Variants in PPP1R1C observed in about 807,000 individuals in gnomAD.
PPP1R1C encodes protein phosphatase 1 regulatory subunit 1C.
Under a neutral mutation model 17.4 loss-of-function variants are expected in PPP1R1C, and 15 were observed. The ratio of observed to expected loss-of-function variants is 0.86; its 90% CI spans 0.58 to 1.33. PPP1R1C has a LOEUF of 1.33. PPP1R1C is among the 40% of genes most tolerant of loss of function. The pLI is 0.00. For synonymous variants in PPP1R1C, 35 were observed against 43.1 expected (o/e 0.81, Z 0.73); for missense variants, 143 against 130.0 (o/e 1.10, Z -0.48).
At chr2:182,088,457 T>A (rs1374738037) in intron 4 of PPP1R1C, among the ~76,000 whole-genome samples, 1 of 152,206 alleles carries the variant, frequency 6.6e-6, no homozygotes, top group African/African-American at 2.4e-5. Context: ...TGGATAAATT[T>A]GGGAAGAGGT....
At chr2:182,062,129 G>T (rs1031837496) in intron 3 of PPP1R1C, among the ~76,000 whole-genome samples, 4 of 152,074 alleles carry the variant, frequency 2.6e-5, no homozygotes, top group Admixed American at 2.6e-4. Flanking sequence ...TGAATAGGAT[G>T]CTGTGCAGGG....
intron 2 of PPP1R1C, among the ~76,000 whole-genome samples, chr2:182,047,785 C>T (rs889100997): frequency 4.6e-5 from 7 of 152,264 alleles, no homozygotes; most frequent in Middle Eastern, 3.4e-3. Context: ...AAATAATCTG[C>T]TTTTTCTGCT....
At chr2:182,072,271 G>A (rs932867272) in intron 4 of PPP1R1C, among the ~76,000 whole-genome samples, 1 of 152,118 alleles carries the variant, frequency 6.6e-6, no homozygotes, top group Non-Finnish European at 1.5e-5. Context: ...GTTCCCTGAT[G>A]TTTTCTGAGA....
At chr2:181,966,371 G>A (rs545477745) in intron 1 of PPP1R1C, among the ~76,000 whole-genome samples, 3 of 152,198 alleles carry the variant, frequency 2.0e-5, no homozygotes, top group Non-Finnish European at 2.9e-5. Flanking sequence ...TGGACATCAT[G>A]GTCATGTTCC....
At chr2:181,969,795 C>T (rs1007515973) in intron 1 of PPP1R1C, among the ~76,000 whole-genome samples, 1 of 151,892 alleles carries the variant, frequency 6.6e-6, no homozygotes, top group African/African-American at 2.4e-5. Flanking sequence ...GTTTTTTATT[C>T]TTGTTCTTTT....
chr2:182,051,346 C>G (rs1687510993), intron 2 of PPP1R1C, among the ~76,000 whole-genome samples: 1 of 152,138 alleles, frequency 6.6e-6, no homozygotes, highest in Non-Finnish European at 1.5e-5. Flanking sequence ...AAAGAATCAG[C>G]CTCCAGTAAT....
chr2:182,030,118 AT>A (rs1405687811), intron 2 of PPP1R1C, among the ~76,000 whole-genome samples: 1 of 141,440 alleles, frequency 7.1e-6, no homozygotes, highest in African/African-American at 2.7e-5. Context: ...ATTCTTCTAA[AT>A]TTTTTTCAAA....
At chr2:182,013,449 C>A (rs1395489240) in intron 2 of PPP1R1C, among the ~76,000 whole-genome samples, 2 of 152,000 alleles carry the variant, frequency 1.3e-5, no homozygotes, top group Middle Eastern at 3.2e-3. Context: ...TTTTCTCTTG[C>A]TGCTTTTAGG....
intron 2 of PPP1R1C, among the ~76,000 whole-genome samples, chr2:182,051,871 C>T (rs1048823711): frequency 1.1e-4 from 16 of 151,880 alleles, no homozygotes; most frequent in Admixed American, 2.6e-4. Context: ...AATACTGGTG[C>T]GCATCTGCAA....
upstream of PPP1R1C, among the ~76,000 whole-genome samples, chr2:181,984,088 T>A (rs568490200): frequency 6.6e-6 from 1 of 152,350 alleles, no homozygotes; most frequent in East Asian, 1.9e-4. Flanking sequence ...TAGATAGATA[T>A]TCTTAGTGAT....
chr2:182,032,616 C>A (rs1455442682), intron 2 of PPP1R1C, among the ~76,000 whole-genome samples: 1 of 152,060 alleles, frequency 6.6e-6, no homozygotes, highest in Non-Finnish European at 1.5e-5. Flanking sequence ...TGCTGAAAGG[C>A]AGTATAGTTA....
Position 182,063,865 on chromosome 2 carries a change from C to T in PPP1R1C, c.241+74C>T, listed in dbSNP as rs1687914261. ...TGGTCGGCCGTCTGTTCTCTAGGACCACATATCTGATGATAAGCTAGATCT... is the reference window on the plus strand; with the variant it reads ...TGGTCGGCCGTCTGTTCTCTAGGACTACATATCTGATGATAAGCTAGATCT... On this transcript the variant is annotated intron_variant, in intron 4 of 4. Coordinates refer to ENST00000682840, the MANE Select transcript of PPP1R1C (RefSeq NM_001080545.3). 3.8e-6 allele frequency: 4 copies of T among 1,063,088 alleles called. No individual in the cohort carries two copies. In the South Asian group the frequency reaches 5.0e-5, roughly 13 times the overall value. The allele number at this position is 1,063,088 out of a possible 1,614,324, so 65.9% of individuals were successfully genotyped here. A position where few individuals can be genotyped will look rare whatever the true frequency, so the allele number is the denominator to read the frequency against.
chr2:182,032,173 C>T (rs903432512), intron 2 of PPP1R1C, among the ~76,000 whole-genome samples: 7 of 152,182 alleles, frequency 4.6e-5, no homozygotes, highest in Non-Finnish European at 1.0e-4. Context: ...AGCCAAAAGT[C>T]AAGGGGGCCA....
intron 1 of PPP1R1C, among the ~76,000 whole-genome samples, chr2:181,974,560 A>G (rs1050028747): frequency 7.9e-5 from 12 of 152,212 alleles, no homozygotes; most frequent in Non-Finnish European, 1.3e-4. Context: ...ATTCTTCTAG[A>G]ATAAATATGA....
At chr2:182,018,072 T>A (rs1686311183) in intron 2 of PPP1R1C, among the ~76,000 whole-genome samples, 1 of 152,188 alleles carries the variant, frequency 6.6e-6, no homozygotes, top group Non-Finnish European at 1.5e-5. Context: ...TCAAATTTTA[T>A]ATTTGTAATC....
intron 5 of PPP1R1C, among the ~76,000 whole-genome samples, chr2:182,128,097 G>C (rs1426278325): frequency 2.6e-5 from 4 of 152,038 alleles, no homozygotes; most frequent in Admixed American, 1.3e-4. Context: ...CAATAAATAT[G>C]TAGGAATACC....
At chr2:182,011,730 A>G (rs1315979820) in intron 2 of PPP1R1C, among the ~76,000 whole-genome samples, 3 of 151,694 alleles carry the variant, frequency 2.0e-5, no homozygotes, top group African/African-American at 7.3e-5. Context: ...AAGTTCTTCT[A>G]CTTTGTATGT....
intron 2 of PPP1R1C, among the ~76,000 whole-genome samples, chr2:182,018,896 G>C (rs1686336257): frequency 6.6e-6 from 1 of 152,084 alleles, no homozygotes; most frequent in African/African-American, 2.4e-5. Context: ...GATGATGAGA[G>C]AGTCAAGCAG....
intron 4 of PPP1R1C, among the ~76,000 whole-genome samples, chr2:182,097,139 C>A (rs1688964195): frequency 6.6e-6 from 1 of 152,182 alleles, no homozygotes; most frequent in East Asian, 1.9e-4. Flanking sequence ...AAAATTATTT[C>A]TAGCACACTA....
Sources: gnomAD v4.1 joint callset for allele counts (sites outside exome capture counted in the v4.1 genomes callset) on GRCh38, gnomAD v4.1.1 for gene constraint, MANE v1.5 for transcripts, NCBI Gene and HGNC (gene_info 2026-07-23, HGNC 2026-07-21) for gene names.